Variants in GLMN observed in about 807,000 individuals in gnomAD.
The protein encoded by GLMN is glomulin.
In GLMN, 75 loss-of-function variants were observed where a neutral mutation model predicts 87.8. The ratio of observed to expected loss-of-function variants is 0.85; its 90% CI spans 0.71 to 1.04. The LOEUF (loss-of-function observed/expected upper bound fraction) is 1.04. Among genes scored for constraint, GLMN ranks in the 50% least tolerant of loss-of-function variants. The pLI is 0.00. For synonymous variants in GLMN, 206 were observed against 221.6 expected (o/e 0.93, Z 0.63); for missense variants, 588 against 658.8 (o/e 0.89, Z 1.18).
chr1:92,251,424 CAT>C (rs1653477078), intron 16 of GLMN, among the ~76,000 whole-genome samples: 2 of 151,978 alleles, frequency 1.3e-5, no homozygotes, highest in African/African-American at 4.8e-5. Flanking sequence ...TCTCTCAACC[CAT>C]ATCTCATATC....
the GLMN span, among the ~76,000 whole-genome samples, chr1:92,361,656 G>C: frequency 2.0e-5 from 3 of 152,218 alleles, no homozygotes; most frequent in African/African-American, 7.2e-5. Context: ...ACCAAATCCA[G>C]CATTGCCTTT....
At chr1:92,304,269 C>T in the GLMN span, 1 of 1,416,852 alleles carries the variant, frequency 7.1e-7, no homozygotes, top group Non-Finnish European at 9.9e-7. Context: ...GTAAGCTGTA[C>T]TTTCTTTTCT....
At chr1:92,325,966 G>A in the GLMN span, among the ~76,000 whole-genome samples, 43 of 151,778 alleles carry the variant, frequency 2.8e-4, no homozygotes, top group African/African-American at 9.7e-4. Flanking sequence ...CCAATTTGGG[G>A]CTATTATGAA....
chr1:92,325,802 A>G, the GLMN span, among the ~76,000 whole-genome samples: 1 of 152,008 alleles, frequency 6.6e-6, no homozygotes, highest in South Asian at 2.1e-4. Context: ...TTTTTCCAGT[A>G]TATATTCTTG....
intron 7 of GLMN, among the ~76,000 whole-genome samples, chr1:92,272,527 A>G (rs966368542): frequency 2.0e-5 from 3 of 152,204 alleles, no homozygotes; most frequent in Non-Finnish European, 2.9e-5. Flanking sequence ...TGCTTCAGGG[A>G]TATTTGAGAG....
chr1:92,246,905 C>A (rs1652745733), intron 18 of GLMN, among the ~76,000 whole-genome samples, 157 bp downstream of exon 18: 1 of 152,134 alleles, frequency 6.6e-6, no homozygotes, highest in Admixed American at 6.6e-5. Context: ...CACCTGCAGT[C>A]CTGGCTAATC....
chr1:92,262,751 G>T, intron 16 of GLMN, 112 bp downstream of exon 16: 1 of 609,640 alleles, frequency 1.6e-6, no homozygotes, highest in Non-Finnish European at 3.1e-6. Context: ...CACTCTTCCC[G>T]GCCTTTATAT....
chr1:92,254,044 T>G (rs935472211), intron 16 of GLMN, among the ~76,000 whole-genome samples: 5 of 152,086 alleles, frequency 3.3e-5, no homozygotes, highest in Non-Finnish European at 2.9e-5. Context: ...AATTGCCAAC[T>G]AGAATAAGCA....
intron 8 of GLMN, among the ~76,000 whole-genome samples, chr1:92,270,043 G>A (rs1443037633): frequency 6.6e-6 from 1 of 152,132 alleles, no homozygotes; most frequent in Non-Finnish European, 1.5e-5. Context: ...AGCACACAGG[G>A]AGAACAGCAT....
At chr1:92,313,504 C>A in the GLMN span, among the ~76,000 whole-genome samples, 1 of 150,426 alleles carries the variant, frequency 6.6e-6, no homozygotes, top group Non-Finnish European at 1.5e-5. Context: ...GTAAGCCATG[C>A]TGTAAACAGA....
chr1:92,259,419 G>A (rs1654706123), intron 16 of GLMN, among the ~76,000 whole-genome samples: 1 of 152,062 alleles, frequency 6.6e-6, no homozygotes, highest in African/African-American at 2.4e-5. Flanking sequence ...AGATACAAGA[G>A]GCATGAAATA....
upstream of GLMN, chr1:92,301,688 TTC>T (rs1650868411): frequency 4.1e-6 from 2 of 486,648 alleles, no homozygotes; most frequent in African/African-American, 2.0e-5. Context: ...TTTGAATTTG[TTC>T]TGAGTCATTA....
At chr1:92,260,765 GAAA>G (rs765865353) in intron 16 of GLMN, among the ~76,000 whole-genome samples, 12 of 100,078 alleles carry the variant, frequency 1.2e-4, no homozygotes, top group African/African-American at 4.5e-4. Flanking sequence ...CTTTGAGATG[GAAA>G]AAAAAAAAAA....
chr1:92,346,424 A>G, the GLMN span, among the ~76,000 whole-genome samples: 1 of 152,098 alleles, frequency 6.6e-6, no homozygotes, highest in Admixed American at 6.5e-5. Flanking sequence ...TCTACCTCCC[A>G]AACTGCTAGG....
chr1:92,346,055 G>A, the GLMN span: 19 of 525,426 alleles, frequency 3.6e-5, no homozygotes, highest in Non-Finnish European at 3.0e-5. Context: ...CCTTTCCTAT[G>A]TAAGAAAACA....
At chr1:92,279,907 G>T (rs1416297736) in intron 7 of GLMN, among the ~76,000 whole-genome samples, 1 of 152,256 alleles carries the variant, frequency 6.6e-6, no homozygotes, top group African/African-American at 2.4e-5. Flanking sequence ...GGGAAGGGGT[G>T]TCCGCCATTG....
intron 16 of GLMN, among the ~76,000 whole-genome samples, chr1:92,249,067 C>T (rs1219381832): frequency 6.6e-6 from 1 of 151,760 alleles, no homozygotes. Flanking sequence ...GACATATTAA[C>T]ATAATGGAAA....
the GLMN span, among the ~76,000 whole-genome samples, chr1:92,359,646 C>G: frequency 1.3e-5 from 2 of 152,176 alleles, no homozygotes; most frequent in Non-Finnish European, 2.9e-5. Context: ...ACCTGTTTTG[C>G]AAGTGCTGAG....
rs199998555 is a variant in GLMN, at chr1:92,297,529, G to C, written c.40C>G (p.Gln14Glu). The part of the protein sequence containing the change: ...EELQSIIKRC[Q>E]ILEEQDFKEE... The stretch of plus-strand genomic sequence containing the variant: ...TTAAAGTCTTGCTCTTCTAGGATTT[G>C]CTGGCAAAAAAAAAAAAAACCCAAA... Residue 14 changes from glutamine to glutamate, a missense_variant and splice_region_variant, in exon 3 of 19, where the codon CAA becomes GAA. By Grantham distance (29) the Gln-to-Glu change is conservative. Coordinates refer to ENST00000370360, the MANE Select transcript of GLMN (RefSeq NM_053274.3). 10 of 1,581,778 alleles carry C rather than the reference G, an allele frequency of 6.3e-6. No individual in the cohort carries two copies. Among genetic ancestry groups the C allele is most frequent in the Admixed American group, 1.8e-5 (1 of 54,116 alleles).
Sources: gnomAD v4.1 joint callset for allele counts (sites outside exome capture counted in the v4.1 genomes callset) on GRCh38, gnomAD v4.1.1 for gene constraint, MANE v1.5 for transcripts, NCBI Gene and HGNC (gene_info 2026-07-23, HGNC 2026-07-21) for gene names.